TMCC3: variants seen among roughly 807,000 people sequenced by gnomAD.
The protein encoded by TMCC3 is transmembrane and coiled-coil domain family 3.
In TMCC3, 28 loss-of-function variants were observed where a neutral mutation model predicts 40.2. That is an observed-to-expected ratio of 0.70 (90% CI 0.52 to 0.95). TMCC3 has a LOEUF of 0.95. Ranked by LOEUF, TMCC3 falls within the 40% of genes least tolerant of loss-of-function variation. The probability of loss-of-function intolerance (pLI) is 0.00; values close to 1 mark genes in which losing one functional copy is unlikely to be tolerated. For missense variants in TMCC3, 554 were observed against 615.2 expected (o/e 0.90, Z 1.05); for synonymous variants, 255 against 248.5 (o/e 1.03, Z -0.25).
At chr12:94,590,330 T>G (rs994393554) in intron 1 of TMCC3, among the ~76,000 whole-genome samples, 4 of 143,828 alleles carry the variant, frequency 2.8e-5, no homozygotes, top group African/African-American at 1.0e-4. Context: ...GGTCTTGTAC[T>G]CCTGGCTTTA....
intron 3 of TMCC3, among the ~76,000 whole-genome samples, chr12:94,574,893 T>C (rs1594263869): frequency 6.6e-6 from 1 of 152,218 alleles, no homozygotes; most frequent in East Asian, 1.9e-4. Context: ...TAGACCGATC[T>C]TAGAATTGTC....
At chr12:94,637,461 C>T (rs1254555274) in intron 1 of TMCC3, among the ~76,000 whole-genome samples, 4 of 152,134 alleles carry the variant, frequency 2.6e-5, no homozygotes, top group African/African-American at 9.7e-5. Context: ...ATGCTGTGTC[C>T]GAAGCGATGT....
At chr12:94,635,569 C>A (rs2068955590) in intron 1 of TMCC3, among the ~76,000 whole-genome samples, 1 of 151,400 alleles carries the variant, frequency 6.6e-6, no homozygotes, top group African/African-American at 2.4e-5. Flanking sequence ...CACACACGCA[C>A]AAAACTTTGC....
At chr12:94,593,914 A>G (rs911712920) in intron 1 of TMCC3, among the ~76,000 whole-genome samples, 1 of 152,214 alleles carries the variant, frequency 6.6e-6, no homozygotes, top group Non-Finnish European at 1.5e-5. Context: ...TTCAGCAAGA[A>G]TGTCCCTTGA....
At chr12:94,588,686 G>C (rs914872612) in intron 1 of TMCC3, among the ~76,000 whole-genome samples, 1 of 152,176 alleles carries the variant, frequency 6.6e-6, no homozygotes, top group Non-Finnish European at 1.5e-5. Context: ...CAGTATCACT[G>C]ACATTTTTTA....
At chr12:94,601,533 C>G (rs1038950758) in intron 1 of TMCC3, among the ~76,000 whole-genome samples, 2 of 147,874 alleles carry the variant, frequency 1.4e-5, no homozygotes, top group Non-Finnish European at 3.0e-5. Context: ...TCTCAAAAAA[C>G]AAAAAAGAAG....
intron 1 of TMCC3, among the ~76,000 whole-genome samples, chr12:94,637,732 G>T (rs532862819): frequency 6.6e-6 from 1 of 152,288 alleles, no homozygotes; most frequent in East Asian, 1.9e-4. Context: ...ATAAGAAAAT[G>T]GTTAAATAAA....
chr12:94,618,209 T>C lies in TMCC3; in HGVS notation c.78+32144A>G, dbSNP rs55966290. Among the ~76,000 whole-genome samples the C allele has an allele frequency of 8.4e-3, 1,286 of 152,326 alleles. 19 individuals are homozygous for C. Among genetic ancestry groups the C allele is most frequent in the African/African-American group, 0.029 (1,213 of 41,558 alleles). On this transcript the variant is annotated intron_variant, in intron 1 of 3. Coordinates refer to ENST00000261226, the MANE Select transcript of TMCC3 (RefSeq NM_020698.4). Reference sequence around the variant, plus strand: ...TCAGCGTTTGCCTTTAAATTTGGGATCTAACTTGTCTTTACCTATTTTTAC... The same window carrying C: ...TCAGCGTTTGCCTTTAAATTTGGGACCTAACTTGTCTTTACCTATTTTTAC...
intron 1 of TMCC3, among the ~76,000 whole-genome samples, chr12:94,611,779 A>AC (rs1402510862): frequency 2.6e-5 from 4 of 151,940 alleles, no homozygotes; most frequent in Non-Finnish European, 4.4e-5. Context: ...CAAAAAAAAA[A>AC]ACACTCGGTA....
chr12:94,615,624 C>G (rs2138863782), intron 1 of TMCC3, among the ~76,000 whole-genome samples: 1 of 152,316 alleles, frequency 6.6e-6, no homozygotes, highest in African/African-American at 2.4e-5. Context: ...CAGCCAGTAG[C>G]TGGCACAATC....
chr12:94,623,338 C>T (rs1411365142), intron 1 of TMCC3, among the ~76,000 whole-genome samples: 1 of 152,104 alleles, frequency 6.6e-6, no homozygotes, highest in Admixed American at 6.5e-5. Context: ...TACGTCATCA[C>T]GTCAGGACCC....
chr12:94,621,234 A>T (rs1278986365), intron 1 of TMCC3, among the ~76,000 whole-genome samples: 1 of 152,240 alleles, frequency 6.6e-6, no homozygotes, highest in Non-Finnish European at 1.5e-5. Context: ...TCAAACACTG[A>T]TATGGGGTTT....
chr12:94,640,716 T>A (rs774670267), intron 1 of TMCC3, among the ~76,000 whole-genome samples: 1 of 152,126 alleles, frequency 6.6e-6, no homozygotes, highest in Non-Finnish European at 1.5e-5. Context: ...GAACAACAAA[T>A]GTTGTAATGG....
Position 94,571,582 on chromosome 12 carries a change from C to T in TMCC3, c.1287G>A (p.Val429=). ...GTGAGACGAACTTCGCGATGGTGGA[C>T]ACACACACTAAGATGACAGTCATGA... ...LAFMTVILVC[V]STIAKFVSPM... The change falls in exon 4 of 4, where the codon GTG becomes GTA. Residue 429 remains valine, a synonymous_variant. Transcript: ENST00000261226. 4.3e-6 allele frequency: 7 copies of T among 1,614,116 alleles called. No individual in the cohort carries two copies. Among genetic ancestry groups the T allele is most frequent in the Non-Finnish European group, 5.9e-6 (7 of 1,180,024 alleles).
At chr12:94,578,187 A>G (rs942254447) in intron 3 of TMCC3, among the ~76,000 whole-genome samples, 3 of 151,268 alleles carry the variant, frequency 2.0e-5, no homozygotes, top group Non-Finnish European at 4.4e-5. Context: ...AAAAGAAAAA[A>G]AAAAGAATAT....
chr12:94,608,442 T>G (rs2068796067), intron 1 of TMCC3, among the ~76,000 whole-genome samples: 1 of 152,164 alleles, frequency 6.6e-6, no homozygotes, highest in African/African-American at 2.4e-5. Context: ...CCCTCTCCCT[T>G]GCCTCCCACA....
In TMCC3 at chr12:94,597,166, A is replaced by ATATATATAT. The variant is rs1491007129; in HGVS notation, c.79-14629_79-14628insATATATATA. 1.8e-3 allele frequency among the ~76,000 whole-genome samples: 162 copies of ATATATATAT among 90,934 alleles called. 4 individuals are homozygous for ATATATATAT. Among genetic ancestry groups the ATATATATAT allele is most frequent in the Non-Finnish European group, 2.3e-3 (108 of 46,322 alleles). 59.7% of individuals were successfully genotyped at this position (90,934 alleles called of 152,430 possible). The stretch of plus-strand genomic sequence containing the variant: ...ATATATATATATATATATGTATATA[A>ATATATATAT]ATTAGCCAGGCCTGCTGGCGTGCCT... On this transcript the variant is annotated intron_variant, in intron 1 of 3. Transcript: ENST00000261226.
intron 1 of TMCC3, among the ~76,000 whole-genome samples, chr12:94,636,605 T>C (rs1594298729): frequency 6.6e-6 from 1 of 152,244 alleles, no homozygotes; most frequent in East Asian, 1.9e-4. Context: ...CCTAATCAGT[T>C]GATTTTAATT....
chr12:94,594,683 C>T lies in TMCC3; in HGVS notation c.79-12145G>A, dbSNP rs146713541. ...CCCCAGGAAAAACGAGTCTCTGAGGCCCTTAGTCAGAGAGCAGAGAAAAGA... is the reference window on the plus strand; with the variant it reads ...CCCCAGGAAAAACGAGTCTCTGAGGTCCTTAGTCAGAGAGCAGAGAAAAGA... On this transcript the variant is annotated intron_variant, in intron 1 of 3. Coordinates refer to ENST00000261226, the MANE Select transcript of TMCC3 (RefSeq NM_020698.4). Among the ~76,000 whole-genome samples, 44 of 152,242 alleles carry T rather than the reference C, an allele frequency of 2.9e-4. No homozygotes were observed. In the East Asian group the frequency reaches 7.7e-3, roughly 27 times the overall value.
Sources: allele counts gnomAD v4.1 joint callset (sites outside exome capture counted in the v4.1 genomes callset), GRCh38; gene constraint gnomAD v4.1.1; transcripts MANE v1.5; gene names NCBI Gene and HGNC (gene_info 2026-07-23, HGNC 2026-07-21).